Variants in ZMYM2 observed in about 807,000 individuals in gnomAD.
The protein encoded by ZMYM2 is zinc finger MYM-type containing 2.
A neutral mutation model predicts 162.8 loss-of-function variants in ZMYM2; 56 were observed. The ratio of observed to expected loss-of-function variants is 0.34; its 90% CI spans 0.28 to 0.43. ZMYM2 has a LOEUF of 0.43. ZMYM2 is among the 20% of genes least tolerant of loss of function. The probability of loss-of-function intolerance (pLI) is 1.00; values close to 1 mark genes in which losing one functional copy is unlikely to be tolerated. For synonymous variants in ZMYM2, 510 were observed against 541.6 expected (o/e 0.94, Z 0.81); for missense variants, 1,275 against 1,621.8 (o/e 0.79, Z 3.67).
At chr13:19,974,467 A>G (rs533831832) in intron 2 of ZMYM2, among the ~76,000 whole-genome samples, 4 of 150,220 alleles carry the variant, frequency 2.7e-5, no homozygotes, top group African/African-American at 7.3e-5. Context: ...TTTACCATGA[A>G]TATCCTTCTA....
In ZMYM2 at chr13:20,088,759, CTG is replaced by C. The variant is rs879482151; in HGVS notation, c.*2747_*2748del. On this transcript the variant is annotated 3_prime_UTR_variant, in exon 25 of 25. Coordinates refer to ENST00000610343, the MANE Select transcript of ZMYM2 (RefSeq NM_197968.4). Reference sequence around the variant, plus strand: ...TTGTACTATGCATTCAAATTTATCACTGTTTTTTCTGACAGACTTTCCCTTTG... The same window carrying C: ...TTGTACTATGCATTCAAATTTATCACTTTTTTCTGACAGACTTTCCCTTTG... 5.1e-5 allele frequency: 10 copies of C among 194,828 alleles called. No homozygotes were observed. The highest frequency in any genetic ancestry group is 1.7e-3 in the Middle Eastern group (1 of 574). The allele number at this position is 194,828 out of a possible 1,614,324, so 12.1% of individuals were successfully genotyped here.
chr13:19,985,350 C>T (rs1263219718), intron 2 of ZMYM2, among the ~76,000 whole-genome samples: 2 of 152,124 alleles, frequency 1.3e-5, no homozygotes, highest in Non-Finnish European at 2.9e-5. Flanking sequence ...TCTCTAACTC[C>T]TAGACACAAG....
the ZMYM2 span, among the ~76,000 whole-genome samples, chr13:19,902,320 A>G: frequency 2.6e-5 from 4 of 152,208 alleles, no homozygotes; most frequent in Non-Finnish European, 5.9e-5. Context: ...GATCTGTTAC[A>G]AAACAATGTG....
chr13:20,065,725 A>G (rs924997392), intron 19 of ZMYM2, among the ~76,000 whole-genome samples: 1 of 152,192 alleles, frequency 6.6e-6, no homozygotes, highest in African/African-American at 2.4e-5. Context: ...GCAGTGAGCT[A>G]TGATCGTGCC....
At chr13:20,025,367 C>A (rs996826832) in intron 7 of ZMYM2, 7 of 187,934 alleles carry the variant, frequency 3.7e-5, no homozygotes, top group South Asian at 2.0e-4. Context: ...AAACAACTTG[C>A]ACTTGAAGGC....
the ZMYM2 span, among the ~76,000 whole-genome samples, chr13:19,903,710 T>C: frequency 2.0e-5 from 3 of 151,242 alleles, no homozygotes; most frequent in Non-Finnish European, 1.5e-5. Context: ...TAGCCAGGCA[T>C]GATGGCTTGC....
chr13:20,057,943 T>A (rs1234400196), intron 14 of ZMYM2, among the ~76,000 whole-genome samples: 2 of 152,214 alleles, frequency 1.3e-5, no homozygotes, highest in Non-Finnish European at 2.9e-5. Flanking sequence ...CTTCCACTTA[T>A]TTCAGATTTT....
chr13:20,086,021 A>G lies in ZMYM2; in HGVS notation c.*7A>G. The G allele has an allele frequency of 6.2e-7, 1 of 1,612,104 alleles. No homozygotes were observed. Among genetic ancestry groups the G allele is most frequent in the East Asian group, 2.2e-5 (1 of 44,850 alleles). ...GGATGAAGACACAGACTAAAAAGGA[A>G]CGTTGCAGAAGCAATCGGGATAAAA... On this transcript the variant is annotated 3_prime_UTR_variant, in exon 25 of 25. Coordinates refer to ENST00000610343, the MANE Select transcript of ZMYM2 (RefSeq NM_197968.4).
intron 9 of ZMYM2, among the ~76,000 whole-genome samples, chr13:20,028,714 A>G (rs752161106): frequency 6.6e-6 from 1 of 152,154 alleles, no homozygotes; most frequent in Non-Finnish European, 1.5e-5. Context: ...ATCTAATGCC[A>G]TGTAAATGCT....
intron 2 of ZMYM2, among the ~76,000 whole-genome samples, 185 bp downstream of exon 2, chr13:19,960,211 C>A (rs533332819): frequency 2.9e-4 from 44 of 152,300 alleles, no homozygotes; most frequent in African/African-American, 1.0e-3. Context: ...CTGCTGTTTC[C>A]ACCGCTGCAG....
At chr13:19,971,082 G>A (rs1353580103) in intron 2 of ZMYM2, among the ~76,000 whole-genome samples, 1 of 151,770 alleles carries the variant, frequency 6.6e-6, no homozygotes, top group Non-Finnish European at 1.5e-5. Flanking sequence ...AGGGCTGAAA[G>A]TGAACCTAGA....
At chr13:19,952,848 C>G in the ZMYM2 span, among the ~76,000 whole-genome samples, 1 of 152,092 alleles carries the variant, frequency 6.6e-6, no homozygotes, top group Non-Finnish European at 1.5e-5. Flanking sequence ...AGGGTCACTA[C>G]TATGGTTTGA....
chr13:19,935,439 T>G, the ZMYM2 span, among the ~76,000 whole-genome samples: 1 of 150,906 alleles, frequency 6.6e-6, no homozygotes. Context: ...GCACAGCTGG[T>G]GTTTCATTTT....
the ZMYM2 span, among the ~76,000 whole-genome samples, chr13:19,936,492 C>G: frequency 1.8e-4 from 28 of 152,222 alleles, no homozygotes; most frequent in East Asian, 1.7e-3. Context: ...GAGACTGAGG[C>G]AGGCAGATTA....
intron 12 of ZMYM2, among the ~76,000 whole-genome samples, chr13:20,041,741 G>A (rs116750764): frequency 4.7e-4 from 72 of 152,168 alleles, no homozygotes; most frequent in African/African-American, 1.6e-3. Flanking sequence ...AGGTCTGGTG[G>A]TAACAAATAC....
intron 8 of ZMYM2, 147 bp downstream of exon 8, chr13:20,026,909 A>G (rs2140257163): frequency 2.0e-6 from 2 of 975,978 alleles, no homozygotes; most frequent in East Asian, 2.8e-5. Flanking sequence ...TATTTTGATT[A>G]TTCTGTACTA....
the ZMYM2 span, among the ~76,000 whole-genome samples, chr13:19,885,622 T>C: frequency 2.0e-5 from 3 of 152,096 alleles, no homozygotes; most frequent in East Asian, 1.9e-4. Flanking sequence ...GGTGGATCAA[T>C]TGAGGTCAGG....
At chr13:19,969,241 T>G (rs952967316) in intron 2 of ZMYM2, among the ~76,000 whole-genome samples, 2 of 152,268 alleles carry the variant, frequency 1.3e-5, no homozygotes, top group African/African-American at 4.8e-5. Flanking sequence ...CCTATCCTTA[T>G]GTTGCAGAAG....
At chr13:19,951,527 T>A in the ZMYM2 span, among the ~76,000 whole-genome samples, 12 of 76,434 alleles carry the variant, frequency 1.6e-4, no homozygotes, top group South Asian at 7.9e-4. Flanking sequence ...CCATCTCTAC[T>A]AAAAAAAAAA....
Sources: allele counts gnomAD v4.1 joint callset (sites outside exome capture counted in the v4.1 genomes callset), GRCh38; gene constraint gnomAD v4.1.1; transcripts MANE v1.5; gene names NCBI Gene and HGNC (gene_info 2026-07-23, HGNC 2026-07-21).